The following ADAM28 variants were observed in gnomAD, a reference collection of about 807,000 sequenced individuals.
ADAM28 encodes ADAM metallopeptidase domain 28.
A neutral mutation model predicts 101.2 loss-of-function variants in ADAM28; 105 were observed. The observed-to-expected ratio is 1.04, with a 90% CI of 0.89 to 1.22. The LOEUF (loss-of-function observed/expected upper bound fraction) is 1.22. Ranked by LOEUF, ADAM28 falls within the 50% of genes most tolerant of loss-of-function variation. The pLI, the probability that ADAM28 is intolerant of heterozygous loss-of-function variation, is 0.00. For missense variants in ADAM28, 1,028 were observed against 945.4 expected, an observed-to-expected ratio of 1.09 and a Z score of -1.15; for synonymous variants, 322 against 310.6, an observed-to-expected ratio of 1.04 and a Z score of -0.39.
At chr8:24,294,270 G>C in intron 1 of ADAM28, 75 bp downstream of exon 1, 1 of 1,493,306 alleles carries the variant, frequency 6.7e-7, no homozygotes, top group Non-Finnish European at 9.3e-7. Flanking sequence ...TAGTTTTATT[G>C]TATAAACTAT....
intron 2 of ADAM28, among the ~76,000 whole-genome samples, chr8:24,302,201 T>A (rs1340149651): frequency 6.6e-6 from 1 of 152,206 alleles, no homozygotes; most frequent in African/African-American, 2.4e-5. Flanking sequence ...TTTGGTTTTC[T>A]GTTCCTGTGT....
At chr8:24,345,028 C>CA (rs199510483) in intron 18 of ADAM28, among the ~76,000 whole-genome samples, 2,189 of 126,742 alleles carry the variant, frequency 0.017, 22 homozygotes, top group South Asian at 0.039. Context: ...TATTTAATGT[C>CA]AAAAAAAAAA....
rs545958448 is a variant in ADAM28 at position 24,358,315 on chromosome 8, T to C, written c.*3911T>C. On this transcript the variant is annotated 3_prime_UTR_variant, in exon 23 of 23. Coordinates refer to ENST00000265769, the MANE Select transcript of ADAM28 (RefSeq NM_014265.6). ...TCAGCTTTAATATTGTTTCATCATA[T>C]GTCATTGTTCAAAGAATCCATCTCT... The C allele has an allele frequency of 6.6e-6, 1 of 152,188 alleles. No individual in the cohort carries two copies. Among genetic ancestry groups the C allele is most frequent in the Non-Finnish European group, 1.5e-5 (1 of 68,044 alleles). 9.4% of individuals were successfully genotyped at this position (152,188 alleles called of 1,614,324 possible). A position where few individuals can be genotyped will look rare whatever the true frequency, so the allele number is the denominator to read the frequency against.
At chr8:24,296,959 T>A (rs1808049793) in intron 1 of ADAM28, among the ~76,000 whole-genome samples, 1 of 152,230 alleles carries the variant, frequency 6.6e-6, no homozygotes, top group Non-Finnish European at 1.5e-5. Flanking sequence ...CTACAATGGC[T>A]GTGTAATTTG....
In ADAM28 at chr8:24,327,074, C is replaced by A. The variant is rs552952186; in HGVS notation, c.972+439C>A. The stretch of plus-strand genomic sequence containing the variant: ...AATCAGGCAAGAGAAAGAAATAAAG[C>A]GTATTCAAATAGAAAGAGAGGAAGT... On this transcript the variant is annotated intron_variant, in intron 10 of 22. Coordinates refer to ENST00000265769, the MANE Select transcript of ADAM28 (RefSeq NM_014265.6). Among the ~76,000 whole-genome samples, 60 of 151,938 alleles carry A rather than the reference C, an allele frequency of 3.9e-4. 1 individual carries two copies. Among genetic ancestry groups the A allele is most frequent in the African/African-American group, 1.3e-3 (55 of 41,468 alleles).
intron 9 of ADAM28, 28 bp downstream of exon 9, chr8:24,324,031 A>C (rs755598451): frequency 6.2e-7 from 1 of 1,606,148 alleles, no homozygotes; most frequent in South Asian, 1.1e-5. Context: ...CCCATTGCAC[A>C]CTATGTGGTA....
rs1417870740 is a variant in ADAM28 at position 24,300,096 on chromosome 8, C to T, written c.150+19C>T. The T allele has an allele frequency of 2.5e-6, 4 of 1,591,158 alleles. No individual in the cohort carries two copies. The South Asian group carries it at 4.5e-5, about 18-fold the overall frequency. The stretch of plus-strand genomic sequence containing the variant: ...GCAACAGGTACAGCTTTTGATTTAT[C>T]AAAGGATCTTGATTTGAGATACATA... On this transcript the variant is annotated intron_variant, in intron 2 of 22. Coordinates refer to ENST00000265769, the MANE Select transcript of ADAM28 (RefSeq NM_014265.6).
rs1816715488 is a variant in ADAM28, at chr8:24,356,782, G to A, written c.*2378G>A. The stretch of plus-strand genomic sequence containing the variant: ...CTACTTTAAAACAGTGAAATTATTA[G>A]GTTAAATTATGTTTTTATCCAGTTA... On this transcript the variant is annotated 3_prime_UTR_variant, in exon 23 of 23. Coordinates refer to ENST00000265769, the MANE Select transcript of ADAM28 (RefSeq NM_014265.6). 1 of 151,964 alleles carries A rather than the reference G, an allele frequency of 6.6e-6. No individual in the cohort carries two copies. Among genetic ancestry groups the A allele is most frequent in the African/African-American group, 2.4e-5 (1 of 41,378 alleles). 9.4% of individuals were successfully genotyped at this position (151,964 alleles called of 1,614,324 possible).
chr8:24,321,333 G>T, intron 8 of ADAM28, 44 bp downstream of exon 8: 1 of 1,457,776 alleles, frequency 6.9e-7, no homozygotes, highest in Non-Finnish European at 9.6e-7. Flanking sequence ...AGTTTGCTGG[G>T]AGATGTCACT....
chr8:24,320,338 C>A, intron 7 of ADAM28, 31 bp downstream of exon 7: 1 of 1,373,194 alleles, frequency 7.3e-7, no homozygotes, highest in Non-Finnish European at 1.0e-6. Flanking sequence ...TGCTGTCTTC[C>A]AAAACTCCCA....
At chr8:24,296,317 T>C (rs1443241705) in intron 1 of ADAM28, 1 of 152,182 alleles carries the variant, frequency 6.6e-6, no homozygotes, top group Admixed American at 6.6e-5. Flanking sequence ...ATGCAGTTTT[T>C]TCCCTTTTGT....
intron 9 of ADAM28, 91 bp from the exon 10 acceptor site, chr8:24,326,463 T>C (rs1812631668): frequency 8.3e-7 from 1 of 1,200,522 alleles, no homozygotes; most frequent in Non-Finnish European, 1.2e-6. Context: ...AGTGAGTTTT[T>C]CTGCTAACCA....
At chr8:24,295,985 G>GAT (rs1407092689) in intron 1 of ADAM28, 1 of 152,150 alleles carries the variant, frequency 6.6e-6, no homozygotes, top group African/African-American at 2.4e-5. Context: ...AAAAGAAAGA[G>GAT]ATGTAAAATA....
At position 24,321,390 on chromosome 8, in the gene ADAM28, A is replaced by G. The variant is rs571348390; in HGVS notation, c.720+101A>G. 1.1e-5 allele frequency: 11 copies of G among 974,390 alleles called. No homozygotes were observed. The African/African-American group carries it at 1.3e-4, about 11-fold the overall frequency. 60.4% of individuals were successfully genotyped at this position (974,390 alleles called of 1,614,324 possible). A position where few individuals can be genotyped will look rare whatever the true frequency, so the allele number is the denominator to read the frequency against. On this transcript the variant is annotated intron_variant, in intron 8 of 22. Transcript: ENST00000265769. ...TGAAGCATGGAAGCAAAGTCAAGAC[A>G]TTTGAGACCAATGTGGCTGACTGGC...
chr8:24,346,312 G>A (rs1322106293), intron 18 of ADAM28, among the ~76,000 whole-genome samples: 4 of 152,046 alleles, frequency 2.6e-5, no homozygotes, highest in Non-Finnish European at 4.4e-5. Context: ...GTTGTTGAAT[G>A]TATCTCCAAA....
At chr8:24,338,424 T>C (rs1379064383) in intron 14 of ADAM28, among the ~76,000 whole-genome samples, 3 of 152,186 alleles carry the variant, frequency 2.0e-5, no homozygotes, top group African/African-American at 4.8e-5. Flanking sequence ...AATATCATGC[T>C]TCTCCCTGAT....
At chr8:24,308,930 A>G (rs1013145562) in intron 2 of ADAM28, among the ~76,000 whole-genome samples, 3 of 152,228 alleles carry the variant, frequency 2.0e-5, no homozygotes, top group Non-Finnish European at 4.4e-5. Context: ...CCACAGCAGA[A>G]GAAACAGAAC....
chr8:24,331,754 G>C (rs1813394854), intron 12 of ADAM28, among the ~76,000 whole-genome samples: 1 of 152,070 alleles, frequency 6.6e-6, no homozygotes, highest in Non-Finnish European at 1.5e-5. Flanking sequence ...AAATGTATCT[G>C]TTTCCAGCTC....
At position 24,341,596 on chromosome 8, in the gene ADAM28, A is replaced by C. The variant is rs1363209631; in HGVS notation, c.1671-2A>C. The C allele has an allele frequency of 4.3e-6, 7 of 1,610,486 alleles. No individual in the cohort carries two copies. In the South Asian group the frequency reaches 6.6e-5, roughly 15 times the overall value. On this transcript the variant is annotated splice_acceptor_variant, in intron 15 of 22. Coordinates refer to ENST00000265769, the MANE Select transcript of ADAM28 (RefSeq NM_014265.6). LOFTEE classifies it high-confidence loss of function. ...TGCAATACATTTTGGCTTTTTCCTC[A>C]GTGATACCATGTGTGGGAAGTTGTT...
Sources: gnomAD v4.1 joint callset for allele counts (sites outside exome capture counted in the v4.1 genomes callset) on GRCh38, gnomAD v4.1.1 for gene constraint, MANE v1.5 for transcripts, NCBI Gene and HGNC (gene_info 2026-07-23, HGNC 2026-07-21) for gene names.